Variants in NOD1 observed in about 807,000 individuals in gnomAD.
The protein encoded by NOD1 is nucleotide binding oligomerization domain containing 1.
A neutral mutation model predicts 81.2 loss-of-function variants in NOD1; 70 were observed. The observed-to-expected ratio is 0.86, with a 90% confidence interval of 0.71 to 1.05. The LOEUF is 1.05. NOD1 is among the 50% of genes least tolerant of loss of function. NOD1 has a pLI of 0.00. For synonymous variants in NOD1, 508 were observed against 526.9 expected, an observed-to-expected ratio of 0.96 and a Z score of 0.49; for missense variants, 1,233 against 1,228.0, an observed-to-expected ratio of 1.00 and a Z score of -0.06.
chr7:30,456,143 C>T (rs1479721212), intron 4 of NOD1, among the ~76,000 whole-genome samples: 1 of 152,208 alleles, frequency 6.6e-6, no homozygotes, highest in Non-Finnish European at 1.5e-5. Flanking sequence ...TCTTCTGAGT[C>T]CCAGCGGGGT....
At chr7:30,455,433 C>T (rs940322587) in intron 4 of NOD1, 122 bp from the exon 5 acceptor site, 80 of 678,386 alleles carry the variant, frequency 1.2e-4, no homozygotes, top group Non-Finnish European at 6.4e-5. Flanking sequence ...GCTATGCCAT[C>T]CCCCCAGCTG....
intron 1 of NOD1, among the ~76,000 whole-genome samples, chr7:30,475,436 T>C (rs141539697): frequency 6.6e-6 from 1 of 152,354 alleles, no homozygotes; most frequent in East Asian, 1.9e-4. Flanking sequence ...TGCTCTATAA[T>C]TTAGAGGAAA....
intron 9 of NOD1, among the ~76,000 whole-genome samples, chr7:30,437,887 G>A (rs1784518787): frequency 6.6e-6 from 1 of 152,222 alleles, no homozygotes; most frequent in Non-Finnish European, 1.5e-5. Flanking sequence ...GAAGCCTTGT[G>A]AACAGAGGCC....
Position 30,429,455 on chromosome 7 carries a change from A to G in NOD1, c.2708T>C (p.Leu903Pro), listed in dbSNP as rs747067436. 36 of 1,613,726 alleles carry G rather than the reference A, an allele frequency of 2.2e-5. No individual in the cohort carries two copies. The South Asian group carries it at 3.6e-4, about 16-fold the overall frequency. ...CTTAGCTGTGATCTGATTCTGGATA[A>G]GCCTGAAAGAAGAACATAACTTGTA... Reference protein sequence around the residue: ...KVNQTLKHLWLIQNQITAKGT... With the variant: ...KVNQTLKHLWPIQNQITAKGT... The change falls in exon 13 of 14, where the codon CTT becomes CCT. Residue 903 changes from leucine to proline, a missense_variant and splice_region_variant. By Grantham distance (98) the Leu-to-Pro change is moderately conservative (BLOSUM62 -3). Coordinates refer to ENST00000222823, the MANE Select transcript of NOD1 (RefSeq NM_006092.4).
chr7:30,426,276 C>T (rs1783446183), intron 13 of NOD1, among the ~76,000 whole-genome samples: 1 of 151,968 alleles, frequency 6.6e-6, no homozygotes, highest in Non-Finnish European at 1.5e-5. Flanking sequence ...TCAAAGTAGC[C>T]ACACCTCCTA....
intron 12 of NOD1, 129 bp downstream of exon 12, chr7:30,432,967 G>C (rs571433599): frequency 6.5e-5 from 44 of 678,878 alleles, no homozygotes; most frequent in Non-Finnish European, 1.1e-4. Context: ...GAATTAGGTG[G>C]TGATGGTTGC....
At chr7:30,431,633 C>A (rs760561109) in intron 12 of NOD1, among the ~76,000 whole-genome samples, 1 of 152,128 alleles carries the variant, frequency 6.6e-6, no homozygotes, top group Admixed American at 6.5e-5. Context: ...TTACACTATA[C>A]AAAAATTAAC....
intron 3 of NOD1, among the ~76,000 whole-genome samples, chr7:30,457,509 A>G (rs766698992): frequency 2.0e-5 from 3 of 152,172 alleles, no homozygotes; most frequent in Non-Finnish European, 2.9e-5. Flanking sequence ...AATTGTTTGC[A>G]CTTGAGGGTT....
rs1403930500 is a variant in NOD1 at position 30,478,627 on chromosome 7, T to G, written c.-373A>C. On this transcript the variant is annotated 5_prime_UTR_variant, in exon 1 of 14. Transcript: ENST00000222823. This position sits in a 1 kb window ranked among gnomAD's most constrained non-coding sequence, Gnocchi z 4.1. ...TTACTTGGCCACCAGGTTTACAGAC[T>G]TCGCAGCCGCTGAGAGCTAGAGAAG... 2 of 152,322 alleles carry G rather than the reference T, an allele frequency of 1.3e-5. No individual in the cohort carries two copies. Among genetic ancestry groups the G allele is most frequent in the Non-Finnish European group, 2.9e-5 (2 of 68,132 alleles). 9.4% of individuals were successfully genotyped at this position (152,322 alleles called of 1,614,324 possible).
chr7:30,474,169 G>C (rs1178604081), intron 1 of NOD1, among the ~76,000 whole-genome samples: 2 of 152,220 alleles, frequency 1.3e-5, no homozygotes, highest in Non-Finnish European at 2.9e-5. Context: ...CTTATCTGAA[G>C]TCACACAACT....
At chr7:30,450,980 G>A (rs574748660) in intron 6 of NOD1, among the ~76,000 whole-genome samples, 4 of 152,338 alleles carry the variant, frequency 2.6e-5, no homozygotes, top group South Asian at 2.1e-4. Flanking sequence ...ATGAGGGCGT[G>A]GAGGCTCTGA....
At chr7:30,449,188 A>C (rs1418204564) in intron 6 of NOD1, among the ~76,000 whole-genome samples, 2 of 152,220 alleles carry the variant, frequency 1.3e-5, no homozygotes, top group Non-Finnish European at 2.9e-5. Flanking sequence ...AACAATTAAA[A>C]GCTTGATTTT....
chr7:30,445,454 G>C (rs1784952444), intron 9 of NOD1, among the ~76,000 whole-genome samples: 1 of 152,006 alleles, frequency 6.6e-6, no homozygotes, highest in African/African-American at 2.4e-5. Context: ...GTATTACTCA[G>C]CCTTAAAAAA....
rs1786430236 is a variant in NOD1, at chr7:30,456,824, T to G, written c.98A>C (p.His33Pro). The G allele has an allele frequency of 6.2e-7, 1 of 1,614,070 alleles. No homozygotes were observed. The highest frequency in any genetic ancestry group is 1.7e-5 in the Admixed American group (1 of 60,008). Reference protein sequence around the residue: ...LKSNRELLVTHIRNTQCLVDN... With the variant: ...LKSNRELLVTPIRNTQCLVDN... ...CACCAGACACTGAGTATTGCGGATG[T>G]GAGTGACCAGAAGTTCCCGATTGCT... is the stretch of plus-strand genomic sequence containing the variant. Residue 33 changes from histidine to proline, a missense_variant, in exon 4 of 14, where the codon CAC (histidine) becomes CCC (proline). His to Pro is a moderately conservative substitution (Grantham distance 77). Transcript: ENST00000222823.
rs761126770 is a variant in NOD1, at chr7:30,451,315, T to A, written c.2102A>T (p.His701Leu). 6.2e-6 allele frequency: 10 copies of A among 1,614,028 alleles called. No homozygotes were observed. In the South Asian group the frequency reaches 1.1e-4, roughly 18 times the overall value. ...GTCTAGGGCCAGCCGCTTGGGGAAG[T>A]GATGCAGGACGAAGGAGAGGGCGCT... Reference protein sequence around the residue: ...DCSALSFVLHHFPKRLALDLD... With the variant: ...DCSALSFVLHLFPKRLALDLD... The change falls in exon 6 of 14, where the codon CAC becomes CTC. Residue 701 changes from histidine to leucine, a missense_variant. His to Leu is a moderately conservative substitution (Grantham distance 99). Coordinates refer to ENST00000222823, the MANE Select transcript of NOD1 (RefSeq NM_006092.4). The surrounding 1 kb of genome is among the most constrained non-coding windows in gnomAD (Gnocchi z 4.2).
rs1583776097 is a variant in NOD1 at position 30,453,124 on chromosome 7, G to C, written c.377-84C>G. Reference sequence around the variant, plus strand: ...TCAAACAGGGAGGTCTCAAAGAGGAGAGGCGAGTGCATAAACAAAATTCAC... The same window carrying C: ...TCAAACAGGGAGGTCTCAAAGAGGACAGGCGAGTGCATAAACAAAATTCAC... On this transcript the variant is annotated intron_variant, in intron 5 of 13. Coordinates refer to ENST00000222823, the MANE Select transcript of NOD1 (RefSeq NM_006092.4). The C allele has an allele frequency of 6.2e-6, 9 of 1,455,138 alleles. No homozygotes were observed. In the East Asian group the frequency reaches 2.1e-4, roughly 33 times the overall value. The allele number at this position is 1,455,138 out of a possible 1,614,324, so 90.1% of individuals were successfully genotyped here. A position where few individuals can be genotyped will look rare whatever the true frequency, so the allele number is the denominator to read the frequency against.
chr7:30,425,430 T>G lies in NOD1; in HGVS notation c.*208A>C, dbSNP rs536124235. 12 of 597,206 alleles carry G rather than the reference T, an allele frequency of 2.0e-5. No homozygotes were observed. The highest frequency in any genetic ancestry group is 2.8e-5 in the East Asian group (1 of 35,880). The allele number at this position is 597,206 out of a possible 1,614,324, so 37.0% of individuals were successfully genotyped here. On this transcript the variant is annotated 3_prime_UTR_variant, in exon 14 of 14. Coordinates refer to ENST00000222823, the MANE Select transcript of NOD1 (RefSeq NM_006092.4). ...AACTACAACAGCTCGCAAGACACAT[T>G]CTTTTTCTGCAGAATTGTAGCGGGT...
At chr7:30,457,413 T>C (rs1174373067) in intron 3 of NOD1, among the ~76,000 whole-genome samples, 3 of 152,102 alleles carry the variant, frequency 2.0e-5, no homozygotes, top group African/African-American at 7.2e-5. Flanking sequence ...ATCACACCAC[T>C]GCACTCCAGC....
intron 2 of NOD1, 95 bp from the exon 3 acceptor site, chr7:30,459,335 C>A (rs1487860050): frequency 1.3e-5 from 2 of 152,514 alleles, no homozygotes; most frequent in African/African-American, 4.8e-5. Context: ...ATCTAGTACT[C>A]CCAGGTATCA....
Sources: gnomAD v4.1 joint callset for allele counts (sites outside exome capture counted in the v4.1 genomes callset) on GRCh38, gnomAD v4.1.1 for gene constraint, Gnocchi (gnomAD v3.1) non-coding constraint, MANE v1.5 for transcripts, NCBI Gene and HGNC (gene_info 2026-07-23, HGNC 2026-07-21) for gene names.